The following NAV3 variants were observed in gnomAD, a reference collection of about 807,000 sequenced individuals.
NAV3 encodes pore membrane and/or filament interacting like protein 1.
Under a neutral mutation model 244.7 loss-of-function variants are expected in NAV3, and 87 were observed. That is an observed-to-expected ratio of 0.36 (90% CI 0.30 to 0.42). The LOEUF is 0.42. Ranked by LOEUF, NAV3 falls within the 20% of genes least tolerant of loss-of-function variation. The probability of loss-of-function intolerance (pLI) is 1.00; values close to 1 mark genes in which losing one functional copy is unlikely to be tolerated. For missense variants in NAV3, 2,663 were observed against 2,893.3 expected (o/e 0.92, Z 1.83); for synonymous variants, 1,126 against 1,042.2 (o/e 1.08, Z -1.55).
At chr12:77,735,077 C>G (rs2137361965) in intron 2 of NAV3, among the ~76,000 whole-genome samples, 1 of 152,044 alleles carries the variant, frequency 6.6e-6, no homozygotes, top group East Asian at 1.9e-4. Flanking sequence ...TAGGCTCTTA[C>G]ATAGTATTGT....
At chr12:77,809,325 T>A (rs943936868) in intron 2 of NAV3, among the ~76,000 whole-genome samples, 4 of 152,154 alleles carry the variant, frequency 2.6e-5, no homozygotes, top group Non-Finnish European at 5.9e-5. Flanking sequence ...AATCTCCTGG[T>A]CTGTGGGTTG....
intron 2 of NAV3, among the ~76,000 whole-genome samples, chr12:77,608,827 G>A (rs1378547036): frequency 6.6e-6 from 1 of 152,032 alleles, no homozygotes; most frequent in Non-Finnish European, 1.5e-5. Flanking sequence ...TAGACTGGGA[G>A]TCAGAGAGTC....
chr12:77,929,261 G>A (rs1368175274), intron 1 of NAV3, among the ~76,000 whole-genome samples: 3 of 152,072 alleles, frequency 2.0e-5, no homozygotes, highest in Non-Finnish European at 4.4e-5. Flanking sequence ...AAATAATTAG[G>A]AGATATGTAT....
In NAV3 at chr12:78,140,262, G is replaced by C. The variant is rs1045196455; in HGVS notation, c.4631-20G>C. 6.2e-7 allele frequency: 1 copy of C among 1,608,840 alleles called. No homozygotes were observed. The highest frequency in any genetic ancestry group is 8.5e-7 in the Non-Finnish European group (1 of 1,175,892). ...TAGACCTTATTGTTTTAACTCTATTGTTCTGTTTGTTTTCTCCAGTTCATG... is the reference window on the plus strand; with the variant it reads ...TAGACCTTATTGTTTTAACTCTATTCTTCTGTTTGTTTTCTCCAGTTCATG... On this transcript the variant is annotated intron_variant, in intron 19 of 39. Transcript: ENST00000397909.
intron 1 of NAV3, among the ~76,000 whole-genome samples, chr12:77,878,783 A>G (rs1169081811): frequency 1.4e-5 from 2 of 147,410 alleles, no homozygotes; most frequent in Non-Finnish European, 3.0e-5. Context: ...TTTTAATTCT[A>G]TCATTTTTTT....
At chr12:78,092,568 TG>T (rs1378989499) in intron 12 of NAV3, among the ~76,000 whole-genome samples, 1 of 148,816 alleles carries the variant, frequency 6.7e-6, no homozygotes, top group African/African-American at 2.5e-5. Flanking sequence ...GGTGCGATCT[TG>T]GTTCACTGCA....
intron 2 of NAV3, among the ~76,000 whole-genome samples, chr12:77,685,252 C>T (rs910312526): frequency 2.6e-5 from 4 of 152,128 alleles, no homozygotes; most frequent in African/African-American, 9.7e-5. Context: ...TTCCTGTAAG[C>T]GGTGTGTAAC....
chr12:78,105,797 G>A (rs1458067518), intron 12 of NAV3, among the ~76,000 whole-genome samples: 1 of 151,516 alleles, frequency 6.6e-6, no homozygotes, highest in East Asian at 1.9e-4. Context: ...CTTGTCCTGA[G>A]AACCAAAATA....
chr12:77,938,441 A>G (rs2137434482), intron 1 of NAV3, among the ~76,000 whole-genome samples: 1 of 152,220 alleles, frequency 6.6e-6, no homozygotes, highest in East Asian at 1.9e-4. Flanking sequence ...ATAAAAGGAG[A>G]TGCAATTTTG....
At chr12:77,914,199 C>T (rs553929233) in intron 1 of NAV3, among the ~76,000 whole-genome samples, 1 of 152,232 alleles carries the variant, frequency 6.6e-6, no homozygotes, top group African/African-American at 2.4e-5. Flanking sequence ...AATCATCTCA[C>T]AATCTCTTTT....
At chr12:77,995,726 G>A (rs1182959573) in intron 6 of NAV3, among the ~76,000 whole-genome samples, 1 of 152,112 alleles carries the variant, frequency 6.6e-6, no homozygotes, top group African/African-American at 2.4e-5. Context: ...TTCATTTCCA[G>A]AGTAGCCAAA....
intron 2 of NAV3, among the ~76,000 whole-genome samples, chr12:77,789,744 A>T (rs1871093704): frequency 6.6e-6 from 1 of 150,830 alleles, no homozygotes; most frequent in South Asian, 2.1e-4. Context: ...TGGGAGGCGG[A>T]CGTTGCAGTG....
chr12:78,103,008 G>A (rs1051495888), intron 12 of NAV3, among the ~76,000 whole-genome samples: 2 of 152,088 alleles, frequency 1.3e-5, no homozygotes, highest in Non-Finnish European at 2.9e-5. Flanking sequence ...ATTGTCTTGG[G>A]GATTAACACT....
At chr12:78,194,811 A>G (rs1050041671) in intron 34 of NAV3, among the ~76,000 whole-genome samples, 1 of 151,972 alleles carries the variant, frequency 6.6e-6, no homozygotes, top group Non-Finnish European at 1.5e-5. Flanking sequence ...ATTCTTCTCT[A>G]TTTGGAAAGC....
At chr12:78,191,560 A>G (rs1003368960) in intron 34 of NAV3, among the ~76,000 whole-genome samples, 1 of 152,180 alleles carries the variant, frequency 6.6e-6, no homozygotes, top group Non-Finnish European at 1.5e-5. Flanking sequence ...TAAATGCAAT[A>G]CATAAATTCT....
intron 2 of NAV3, among the ~76,000 whole-genome samples, chr12:77,670,816 C>T (rs1873935389): frequency 6.6e-6 from 1 of 152,048 alleles, no homozygotes; most frequent in Admixed American, 6.6e-5. Context: ...CCGTGACAAA[C>T]CCACAGACAA....
rs1874396158 is a variant in NAV3 at position 78,007,259 on chromosome 12, C to A, written c.1721C>A (p.Ala574Glu). 2 of 1,614,064 alleles carry A rather than the reference C, an allele frequency of 1.2e-6. No individual in the cohort carries two copies. Among genetic ancestry groups the A allele is most frequent in the Non-Finnish European group, 1.7e-6 (2 of 1,180,036 alleles). The change falls in exon 8 of 40, where the codon GCA becomes GAA. Residue 574 changes from alanine to glutamate, a missense_variant. By Grantham distance (107) the Ala-to-Glu change is moderately radical. Around this residue, in one of 6 missense-constraint regions of NAV3, gnomAD observed 1,521 missense variants for 1,497.0 expected, o/e 1.02. Transcript: ENST00000397909. Reference protein sequence around the residue: ...SLSKPITMEKASASSCPAPLE... With the variant: ...SLSKPITMEKESASSCPAPLE... The stretch of plus-strand genomic sequence containing the variant: ...TCTAAGCCTATAACCATGGAGAAAG[C>A]AAGTGCTTCTAGTTGTCCTGCCCCT...
intron 2 of NAV3, among the ~76,000 whole-genome samples, chr12:77,810,117 A>G (rs577097653): frequency 2.0e-5 from 3 of 152,296 alleles, no homozygotes; most frequent in Non-Finnish European, 4.4e-5. Context: ...AAGTTTAGAA[A>G]TTTACTTAGT....
chr12:77,834,601 T>A (rs1368655076), intron 1 of NAV3, among the ~76,000 whole-genome samples: 1 of 152,214 alleles, frequency 6.6e-6, no homozygotes. Context: ...TTAGTGAAAC[T>A]TCCACTTTGC....
Sources: allele counts gnomAD v4.1 joint callset (sites outside exome capture counted in the v4.1 genomes callset), GRCh38; gene constraint gnomAD v4.1.1; regional missense constraint gnomAD v4.1.1; transcripts MANE v1.5; gene names NCBI Gene and HGNC (gene_info 2026-07-23, HGNC 2026-07-21).